The following AMMECR1 variants were observed in gnomAD, a reference collection of about 807,000 sequenced individuals.
AMMECR1 encodes nuclear protein AMMECR1.
In AMMECR1, 3 loss-of-function variants were observed where a neutral mutation model predicts 22.5. The observed-to-expected ratio is 0.13, with a 90% CI of 0.06 to 0.35. AMMECR1 has a LOEUF of 0.35. AMMECR1 is among the 10% of genes least tolerant of loss of function. The pLI is 1.00. For synonymous variants in AMMECR1, 130 were observed against 116.7 expected, an observed-to-expected ratio of 1.11 and a Z score of -0.74; for missense variants, 235 against 278.7, an observed-to-expected ratio of 0.84 and a Z score of 1.12.
In AMMECR1 at chrX:110,217,502, TACACACACACAC is replaced by T. The variant is rs759487797; in HGVS notation, c.585-882_585-871del. Among the ~76,000 whole-genome samples, 49 of 88,585 alleles carry T rather than the reference TACACACACACAC, an allele frequency of 5.5e-4. 1 individual carries two copies. Among genetic ancestry groups the T allele is most frequent in the Admixed American group, 3.4e-3 (28 of 8,120 alleles). The allele number at this position is 88,585 out of a possible 115,157, so 76.9% of individuals were successfully genotyped here. The stretch of plus-strand genomic sequence containing the variant: ...ATTCTTCCTGCAACGGAATAGAAAA[TACACACACACAC>T]ACACACACACACACACACACACACA... On this transcript the variant is annotated intron_variant, in intron 2 of 5. Transcript: ENST00000262844.
chrX:110,288,486 T>C (rs1463564802), intron 1 of AMMECR1, among the ~76,000 whole-genome samples: 1 of 112,152 alleles, frequency 8.9e-6, no homozygotes, highest in Non-Finnish European at 1.9e-5. Flanking sequence ...GATTGTGCGC[T>C]CTCAGAAACT....
intron 2 of AMMECR1, among the ~76,000 whole-genome samples, chrX:110,221,163 C>A (rs189942616): frequency 5.4e-5 from 6 of 112,093 alleles, no homozygotes; most frequent in African/African-American, 1.9e-4. Context: ...TTTGGACAGG[C>A]AAAGAGAAGC....
chrX:110,291,635 G>A (rs896767387), intron 1 of AMMECR1, among the ~76,000 whole-genome samples: 1 of 111,951 alleles, frequency 8.9e-6, no homozygotes, highest in African/African-American at 3.3e-5. Flanking sequence ...GGACAGCTTC[G>A]AAGTTTCACA....
intron 2 of AMMECR1, among the ~76,000 whole-genome samples, chrX:110,344,285 A>T (rs1316106577): frequency 8.9e-6 from 1 of 112,437 alleles, no homozygotes; most frequent in African/African-American, 3.2e-5. Context: ...AAAACTGGCT[A>T]GCCATATGTA....
At chrX:110,433,004 C>T (rs1271597462) in intron 1 of AMMECR1, among the ~76,000 whole-genome samples, 2 of 112,645 alleles carry the variant, frequency 1.8e-5, no homozygotes, top group Non-Finnish European at 3.8e-5. Flanking sequence ...GAAGCAAGTC[C>T]TCGACCTCCT....
In AMMECR1 at chrX:110,317,863, A is replaced by T. The variant is rs2068059149; in HGVS notation, c.209T>A (p.Leu70His). The T allele has an allele frequency of 8.5e-7, 1 of 1,174,525 alleles. No individual in the cohort carries two copies. The highest frequency in any genetic ancestry group is 1.9e-5 in the South Asian group (1 of 51,838). The change falls in exon 1 of 6, where the codon CTC (leucine) becomes CAC (histidine). Residue 70 changes from leucine to histidine, a missense_variant. Leu to His is a moderately conservative substitution (Grantham distance 99, BLOSUM62 -3). Around this residue, in one of 2 missense-constraint regions of AMMECR1, gnomAD observed 124 missense variants for 97.0 expected, o/e 1.28. Coordinates refer to ENST00000262844, the MANE Select transcript of AMMECR1 (RefSeq NM_015365.3). ...GCCGCCGCAGCCCTGGGGGGGAGAG[A>T]GGGTACAGCCGCTGCCGCTACCTCC... ...TGGGSGSGCT[L>H]SPPQGCGGGG...
At chrX:110,330,692 T>C (rs766282181) in intron 2 of AMMECR1, among the ~76,000 whole-genome samples, 1 of 111,678 alleles carries the variant, frequency 9.0e-6, no homozygotes, top group South Asian at 3.8e-4. Flanking sequence ...CACAGGTAGT[T>C]TGAGAAATAT....
chrX:110,223,939 C>T (rs1427826810), intron 2 of AMMECR1, among the ~76,000 whole-genome samples: 1 of 111,969 alleles, frequency 8.9e-6, no homozygotes, highest in Non-Finnish European at 1.9e-5. Context: ...TTGGGCAAGT[C>T]TCTTAATCTA....
At chrX:110,397,602 G>GTCACTGCT (rs1165202261) in intron 2 of AMMECR1, among the ~76,000 whole-genome samples, 2 of 111,000 alleles carry the variant, frequency 1.8e-5, no homozygotes, top group Non-Finnish European at 3.8e-5. Context: ...AAGAGACACA[G>GTCACTGCT]TCACTGCTGG....
At chrX:110,415,438 C>T (rs1455153822) in intron 2 of AMMECR1, among the ~76,000 whole-genome samples, 1 of 111,721 alleles carries the variant, frequency 9.0e-6, no homozygotes, top group African/African-American at 3.3e-5. Flanking sequence ...TCCCCATTTT[C>T]AAAATGTTCT....
intron 1 of AMMECR1, among the ~76,000 whole-genome samples, chrX:110,438,964 G>T (rs1182766241): frequency 1.8e-5 from 2 of 111,896 alleles, no homozygotes; most frequent in East Asian, 5.6e-4. Context: ...TTTTAGTATG[G>T]GTCGTGGCAG....
At chrX:110,258,547 A>C (rs2067722095) in intron 2 of AMMECR1, among the ~76,000 whole-genome samples, 1 of 112,338 alleles carries the variant, frequency 8.9e-6, no homozygotes, top group African/African-American at 3.2e-5. Context: ...ATTAGGTATA[A>C]GTTTTAGGAC....
At chrX:110,327,609 A>G (rs1388255482) in intron 2 of AMMECR1, among the ~76,000 whole-genome samples, 4 of 111,152 alleles carry the variant, frequency 3.6e-5, no homozygotes, top group African/African-American at 9.8e-5. Flanking sequence ...TATATAGACA[A>G]CTCTGTTGAA....
intron 2 of AMMECR1, among the ~76,000 whole-genome samples, chrX:110,389,801 C>T (rs2068482400): frequency 9.1e-6 from 1 of 109,875 alleles, no homozygotes; most frequent in African/African-American, 3.3e-5. Context: ...GGAAGAACAG[C>T]AGAAAGAAGG....
intron 4 of AMMECR1, among the ~76,000 whole-genome samples, chrX:110,202,158 A>T (rs1213269176): frequency 8.9e-6 from 1 of 112,242 alleles, no homozygotes; most frequent in African/African-American, 3.2e-5. Flanking sequence ...TGCATTTCAA[A>T]TCGGTAGCAA....
chrX:110,321,910 A>T (rs1171055268), upstream of AMMECR1, among the ~76,000 whole-genome samples: 1 of 112,562 alleles, frequency 8.9e-6, no homozygotes, highest in Non-Finnish European at 1.9e-5. Flanking sequence ...TGGAGGTGGT[A>T]ATCAGTTCCC....
intron 1 of AMMECR1, among the ~76,000 whole-genome samples, chrX:110,276,065 G>T (rs1199893202): frequency 9.1e-6 from 1 of 110,367 alleles, no homozygotes; most frequent in Non-Finnish European, 1.9e-5. Context: ...GTTCACTGAG[G>T]CTTTTTTCCT....
At chrX:110,310,904 T>G in intron 1 of AMMECR1, among the ~76,000 whole-genome samples, 1 of 111,972 alleles carries the variant, frequency 8.9e-6, no homozygotes, top group South Asian at 3.8e-4. Context: ...TCCCAATTCA[T>G]CTGATACTCT....
At chrX:110,423,056 G>A (rs1199474216) in intron 2 of AMMECR1, among the ~76,000 whole-genome samples, 2 of 112,089 alleles carry the variant, frequency 1.8e-5, no homozygotes, top group African/African-American at 6.5e-5. Context: ...GGCCGGGCGC[G>A]GTGTCTCATG....
Sources: allele counts gnomAD v4.1 joint callset (sites outside exome capture counted in the v4.1 genomes callset), GRCh38; gene constraint gnomAD v4.1.1; regional missense constraint gnomAD v4.1.1; transcripts MANE v1.5; gene names NCBI Gene and HGNC (gene_info 2026-07-23, HGNC 2026-07-21).